The following AP2B1 variants were observed in gnomAD, a reference collection of about 807,000 sequenced individuals.
AP2B1 encodes the protein AP-2 complex subunit beta.
Under a neutral mutation model 102.0 loss-of-function variants are expected in AP2B1, and 23 were observed. That is an observed-to-expected ratio of 0.23 (90% confidence interval 0.16 to 0.32). The LOEUF is 0.32. Among genes scored for constraint, AP2B1 ranks in the 10% least tolerant of loss-of-function variants. The pLI is 1.00. For synonymous variants in AP2B1, 381 were observed against 421.2 expected (o/e 0.90, Z 1.17); for missense variants, 541 against 1,157.4 (o/e 0.47, Z 7.73).
intron 12 of AP2B1, among the ~76,000 whole-genome samples, chr17:35,643,766 A>G (rs1256031298): frequency 6.6e-6 from 1 of 152,236 alleles, no homozygotes; most frequent in Non-Finnish European, 1.5e-5. Context: ...CGTCATGGGA[A>G]ACTACCCTAT....
At chr17:35,671,940 C>T (rs770138950) in intron 16 of AP2B1, 40 bp downstream of exon 16, 1 of 1,604,702 alleles carries the variant, frequency 6.2e-7, no homozygotes, top group Non-Finnish European at 8.5e-7. Flanking sequence ...TCTTAATGGA[C>T]AGGACCCAAA....
At chr17:35,616,142 CTTTTTTTTTTTTTTTTTTTTTT>C (rs71152739) in intron 5 of AP2B1, among the ~76,000 whole-genome samples, 38 of 57,436 alleles carry the variant, frequency 6.6e-4, no homozygotes, top group African/African-American at 1.7e-3. Flanking sequence ...AAAAATATCT[CTTTTTTTTTTTTTTTTTTTTTT>C]TTTTTTTTTT....
At chr17:35,594,891 C>T (rs540133339) in intron 2 of AP2B1, among the ~76,000 whole-genome samples, 134 of 152,300 alleles carry the variant, frequency 8.8e-4, no homozygotes, top group Non-Finnish European at 1.7e-3. Flanking sequence ...TAAAATAGAT[C>T]ATTTCTAGAA....
At chr17:35,661,555 G>A (rs953169804) in intron 14 of AP2B1, among the ~76,000 whole-genome samples, 1 of 152,134 alleles carries the variant, frequency 6.6e-6, no homozygotes, top group Admixed American at 6.5e-5. Flanking sequence ...ATGATATTCT[G>A]TGAGGTTATC....
Position 35,723,620 on chromosome 17 carries a change from A to G in AP2B1, c.2782-5A>G. 1 of 1,603,142 alleles carries G rather than the reference A, an allele frequency of 6.2e-7. No individual in the cohort carries two copies. Among genetic ancestry groups the G allele is most frequent in the Non-Finnish European group, 8.5e-7 (1 of 1,170,028 alleles). On this transcript the variant is annotated splice_polypyrimidine_tract_variant and splice_region_variant and intron_variant, in intron 21 of 21. Coordinates refer to ENST00000610402, the MANE Select transcript of AP2B1 (RefSeq NM_001030006.2). The stretch of plus-strand genomic sequence containing the variant: ...TAATCTTCCATCTCCTTTTTCTCCT[A>G]ACAGCTGTCACTGAAGTGTAGAGCT...
At chr17:35,664,884 A>G (rs2075431002) in intron 14 of AP2B1, among the ~76,000 whole-genome samples, 1 of 152,182 alleles carries the variant, frequency 6.6e-6, no homozygotes, top group Non-Finnish European at 1.5e-5. Flanking sequence ...TGTGGTGACC[A>G]TTCTAAGGAC....
At chr17:35,601,758 T>C (rs567531832) in intron 3 of AP2B1, among the ~76,000 whole-genome samples, 1 of 152,010 alleles carries the variant, frequency 6.6e-6, no homozygotes, top group African/African-American at 2.4e-5. Flanking sequence ...ACAAACGAAT[T>C]GGTAAAAATT....
At chr17:35,659,264 TG>T (rs1445926204) in intron 14 of AP2B1, among the ~76,000 whole-genome samples, 1 of 152,202 alleles carries the variant, frequency 6.6e-6, no homozygotes, top group Non-Finnish European at 1.5e-5. Flanking sequence ...CATTCCCTGG[TG>T]GGGAAGCTTA....
intron 10 of AP2B1, among the ~76,000 whole-genome samples, 153 bp downstream of exon 10, chr17:35,636,609 A>G (rs1256742384): frequency 6.6e-6 from 1 of 152,238 alleles, no homozygotes; most frequent in Non-Finnish European, 1.5e-5. Context: ...TGGTTAGCAC[A>G]GGGATTAAAA....
At chr17:35,615,145 TGA>T (rs2073978611) in intron 5 of AP2B1, among the ~76,000 whole-genome samples, 4 of 152,326 alleles carry the variant, frequency 2.6e-5, no homozygotes, top group Admixed American at 2.0e-4. Context: ...GAAATAGCAC[TGA>T]GGCTTCAGAG....
intron 2 of AP2B1, among the ~76,000 whole-genome samples, chr17:35,594,444 AATACAG>A (rs2073195955): frequency 6.6e-6 from 1 of 152,230 alleles, no homozygotes; most frequent in Admixed American, 6.5e-5. Context: ...CAATTAAAGC[AATACAG>A]ATATGTATGT....
At chr17:35,653,772 G>A (rs918617359) in intron 13 of AP2B1, among the ~76,000 whole-genome samples, 9 of 152,030 alleles carry the variant, frequency 5.9e-5, no homozygotes, top group Non-Finnish European at 1.3e-4. Flanking sequence ...CACTGCGCCC[G>A]GCTGGAATAT....
intron 14 of AP2B1, among the ~76,000 whole-genome samples, chr17:35,666,287 G>T (rs1349618502): frequency 6.6e-6 from 1 of 152,110 alleles, no homozygotes; most frequent in African/African-American, 2.4e-5. Context: ...ACATTATTGT[G>T]TAGTTTAACA....
In AP2B1 at chr17:35,682,837, C is replaced by G. The variant is rs749102171; in HGVS notation, c.2454+13C>G. The G allele has an allele frequency of 6.2e-7, 1 of 1,605,626 alleles. No individual in the cohort carries two copies. The highest frequency in any genetic ancestry group is 8.5e-7 in the Non-Finnish European group (1 of 1,174,200). On this transcript the variant is annotated intron_variant, in intron 18 of 21. Transcript: ENST00000610402. ...GAATAACCTCCAGGTCAGAGATTTA[C>G]TTCACTCAGGTGGTACAAGTTAATA...
intron 13 of AP2B1, among the ~76,000 whole-genome samples, chr17:35,655,508 T>C (rs1380127992): frequency 6.6e-6 from 1 of 152,236 alleles, no homozygotes; most frequent in Non-Finnish European, 1.5e-5. Context: ...AGTTTGCTCC[T>C]TTTTATTGGT....
chr17:35,602,264 T>C (rs986248340), intron 3 of AP2B1, among the ~76,000 whole-genome samples: 1 of 152,172 alleles, frequency 6.6e-6, no homozygotes, highest in African/African-American at 2.4e-5. Flanking sequence ...CTTATGTAAT[T>C]AGGCACTGAA....
intron 18 of AP2B1, among the ~76,000 whole-genome samples, chr17:35,694,590 C>T (rs986210931): frequency 2.0e-5 from 3 of 151,872 alleles, no homozygotes; most frequent in Admixed American, 2.0e-4. Flanking sequence ...TAACAGTAAA[C>T]CCAGGCTGAG....
At chr17:35,659,700 A>T in intron 14 of AP2B1, 2 of 656,538 alleles carry the variant, frequency 3.0e-6, no homozygotes, top group Non-Finnish European at 3.8e-6. Flanking sequence ...TTATGTTTTT[A>T]TGTAACTCTA....
chr17:35,648,531 TAC>T (rs1225351149), intron 12 of AP2B1, among the ~76,000 whole-genome samples: 45 of 7,084 alleles, frequency 6.4e-3, no homozygotes, highest in African/African-American at 0.062. Context: ...CATGCATACA[TAC>T]ATACATACAT....
Sources: allele counts gnomAD v4.1 joint callset (sites outside exome capture counted in the v4.1 genomes callset), GRCh38; gene constraint gnomAD v4.1.1; transcripts MANE v1.5; gene names NCBI Gene and HGNC (gene_info 2026-07-23, HGNC 2026-07-21).